The following LOXHD1 variants were observed in gnomAD, a reference collection of about 807,000 sequenced individuals.
The protein encoded by LOXHD1 is lipoxygenase homology domain-containing protein 1.
A neutral mutation model predicts 248.2 loss-of-function variants in LOXHD1; 205 were observed. The observed-to-expected ratio is 0.83, with a 90% CI of 0.74 to 0.93. The LOEUF is 0.93. Ranked by LOEUF, LOXHD1 falls within the 40% of genes least tolerant of loss-of-function variation. The probability of loss-of-function intolerance (pLI) is 0.00; values close to 1 mark genes in which losing one functional copy is unlikely to be tolerated. For missense variants in LOXHD1, 2,930 were observed against 2,971.6 expected (o/e 0.99, Z 0.33); for synonymous variants, 1,113 against 1,162.8 (o/e 0.96, Z 0.87).
Position 46,649,257 on chromosome 18 carries a change from ACCACTT to A in LOXHD1, c.137_142del (p.Glu46_Val47del). The A allele has an allele frequency of 6.4e-7, 1 of 1,551,746 alleles. No homozygotes were observed. On this transcript the variant is annotated inframe_deletion, in exon 2 of 41. Transcript: ENST00000642948. ...ACCGCGAACATCCCCCGTGGCTGTG[ACCACTT>A]CATACACTGGAGGAGGAGAGGAGGA... is the stretch of plus-strand genomic sequence containing the variant.
At chr18:46,631,742 C>G (rs750837664) in intron 4 of LOXHD1, among the ~76,000 whole-genome samples, 1 of 152,172 alleles carries the variant, frequency 6.6e-6, no homozygotes, top group Non-Finnish European at 1.5e-5. Context: ...GGGCAGGCCC[C>G]GGGGCTCCAG....
rs763256484 is a variant in LOXHD1, at chr18:46,545,342, T to A, written c.3594A>T (p.Thr1198=). Residue 1198 remains threonine, a synonymous_variant, in exon 23 of 41, where the codon ACA becomes ACT. Transcript: ENST00000642948. Reference sequence around the variant, plus strand: ...CAGTGTCATCCTGTGTGCCAAAGAGTGTGATGAAGACATTAGCATCTGTGC... The same window carrying A: ...CAGTGTCATCCTGTGTGCCAAAGAGAGTGATGAAGACATTAGCATCTGTGC... ...NAGTDANVFI[T]LFGTQDDTGM... 1 of 1,551,464 alleles carries A rather than the reference T, an allele frequency of 6.4e-7. No individual in the cohort carries two copies. The highest frequency in any genetic ancestry group is 1.2e-5 in the South Asian group (1 of 84,040).
At chr18:46,625,821 G>C (rs995536822) in intron 4 of LOXHD1, among the ~76,000 whole-genome samples, 1 of 152,042 alleles carries the variant, frequency 6.6e-6, no homozygotes, top group Non-Finnish European at 1.5e-5. Context: ...GCAGTCACTC[G>C]TCCTCCTTTG....
chr18:46,587,845 T>G (rs2038091164), intron 12 of LOXHD1, among the ~76,000 whole-genome samples: 1 of 152,164 alleles, frequency 6.6e-6, no homozygotes, highest in Non-Finnish European at 1.5e-5. Flanking sequence ...AATTGTGAGC[T>G]GGCATGTGTA....
chr18:46,535,907 C>T (rs1598942000), intron 26 of LOXHD1, among the ~76,000 whole-genome samples: 1 of 152,144 alleles, frequency 6.6e-6, no homozygotes, highest in East Asian at 1.9e-4. Flanking sequence ...AGCAATGTGG[C>T]CTTTAGGGGA....
intron 4 of LOXHD1, among the ~76,000 whole-genome samples, chr18:46,628,017 C>T (rs2038768429): frequency 6.6e-6 from 1 of 152,138 alleles, no homozygotes; most frequent in South Asian, 2.1e-4. Flanking sequence ...CGCAAAATGC[C>T]CATTGAATCA....
At chr18:46,591,581 G>C (rs2038168984) in intron 12 of LOXHD1, among the ~76,000 whole-genome samples, 1 of 152,134 alleles carries the variant, frequency 6.6e-6, no homozygotes, top group Non-Finnish European at 1.5e-5. Flanking sequence ...CTTTTCTTTT[G>C]GGGAACATTT....
Position 46,489,220 on chromosome 18 carries a change from C to T in LOXHD1, c.5879-78G>A, listed in dbSNP as rs182484820. The T allele has an allele frequency of 2.0e-3, 2,846 of 1,446,786 alleles. 13 individuals are homozygous for T. The highest frequency in any genetic ancestry group is 2.1e-3 in the Non-Finnish European group (2,222 of 1,054,352). The allele number at this position is 1,446,786 out of a possible 1,614,324, so 89.6% of individuals were successfully genotyped here. ...TTCAGACTTCTACATCCCCACAACC[C>T]ATTGGCTGTGTGGCCCTGGACAAGT... On this transcript the variant is annotated intron_variant, in intron 37 of 40. Transcript: ENST00000642948.
intron 37 of LOXHD1, among the ~76,000 whole-genome samples, chr18:46,493,065 T>C (rs1379074669): frequency 2.4e-4 from 37 of 152,226 alleles, no homozygotes; most frequent in Admixed American, 2.4e-3. Context: ...GATCTGGTCC[T>C]TTTCCACTCC....
At chr18:46,653,812 T>A (rs928268698) in intron 1 of LOXHD1, among the ~76,000 whole-genome samples, 1 of 152,242 alleles carries the variant, frequency 6.6e-6, no homozygotes, top group African/African-American at 2.4e-5. Flanking sequence ...TAGGAATAAA[T>A]TCTTCCTTGA....
At chr18:46,574,945 C>T (rs1269827638) in intron 14 of LOXHD1, among the ~76,000 whole-genome samples, 1 of 152,238 alleles carries the variant, frequency 6.6e-6, no homozygotes, top group Non-Finnish European at 1.5e-5. Flanking sequence ...TTTCCAGGCT[C>T]CTTCTCCTGG....
chr18:46,602,464 C>T (rs1254353592), intron 7 of LOXHD1, among the ~76,000 whole-genome samples: 2 of 152,088 alleles, frequency 1.3e-5, no homozygotes. Context: ...CCTCAGACTC[C>T]CAAAGTGCTG....
chr18:46,538,185 T>C lies in LOXHD1; in HGVS notation c.4066A>G (p.Arg1356Gly). The change falls in exon 26 of 41, where the codon AGG becomes GGG. Residue 1356 changes from arginine to glycine, a missense_variant. Arg to Gly is a moderately radical substitution (Grantham distance 125, BLOSUM62 -2). Transcript: ENST00000642948. ...NKREQKQFFE[R>G]KSASRFIVEL... ...ACGATGAAGCGGGAGGCAGACTTCC[T>C]CTCAAAGAACTGCTTCTGTTCCCTC... 1 of 1,533,208 alleles carries C rather than the reference T, an allele frequency of 6.5e-7. No individual in the cohort carries two copies. Among genetic ancestry groups the C allele is most frequent in the South Asian group, 1.2e-5 (1 of 83,750 alleles). 95.0% of individuals were successfully genotyped at this position (1,533,208 alleles called of 1,614,324 possible). A position where few individuals can be genotyped will look rare whatever the true frequency, so the allele number is the denominator to read the frequency against.
rs1331229102 is a variant in LOXHD1 at position 46,569,575 on chromosome 18, A to G, written c.2111T>C (p.Val704Ala). ...TTTATCCCCATAGAGCTTGATGTAG[A>G]CTCTAGAATCCGTGCTGGCCCCAGA... ...DVSGASTDSR[V>A]YIKLYGDKSD... The change falls in exon 16 of 41, where the codon GTC becomes GCC. Residue 704 changes from valine to alanine, a missense_variant. Val to Ala is a moderately conservative substitution (Grantham distance 64). Coordinates refer to ENST00000642948, the MANE Select transcript of LOXHD1 (RefSeq NM_001384474.1). 1.3e-6 allele frequency: 2 copies of G among 1,551,568 alleles called. No individual in the cohort carries two copies. The highest frequency in any genetic ancestry group is 1.7e-6 in the Non-Finnish European group (2 of 1,146,966).
At chr18:46,480,334 C>T (rs904280261) in intron 40 of LOXHD1, among the ~76,000 whole-genome samples, 1 of 152,148 alleles carries the variant, frequency 6.6e-6, no homozygotes, top group African/African-American at 2.4e-5. Context: ...TTTCACCCAA[C>T]CCTGCACAGA....
chr18:46,615,956 A>G (rs1438995202), intron 5 of LOXHD1, among the ~76,000 whole-genome samples: 1 of 152,162 alleles, frequency 6.6e-6, no homozygotes, highest in African/African-American at 2.4e-5. Flanking sequence ...ATTTGAACAA[A>G]GTTGTTTGCC....
At position 46,538,321 on chromosome 18, in the gene LOXHD1, G is replaced by T; in HGVS notation, c.3930C>A (p.Ile1310=). ...RLYTPFVPYE[I]TLYTSDVFAA... is the part of the protein sequence containing the mutation. ...CAAAGACATCACTGGTGTAGAGGGT[G>T]ATCTCGTAAGGAACAACTGAGGGTG... is the stretch of plus-strand genomic sequence containing the variant. The change falls in exon 26 of 41, where the codon ATC becomes ATA. Residue 1310 remains isoleucine (I), a synonymous_variant. Coordinates refer to ENST00000642948, the MANE Select transcript of LOXHD1 (RefSeq NM_001384474.1). 1 of 1,549,812 alleles carries T rather than the reference G, an allele frequency of 6.5e-7. No homozygotes were observed. Among genetic ancestry groups the T allele is most frequent in the African/African-American group, 1.4e-5 (1 of 73,156 alleles).
intron 4 of LOXHD1, among the ~76,000 whole-genome samples, chr18:46,625,756 G>C (rs1312992106): frequency 1.3e-5 from 2 of 152,136 alleles, no homozygotes; most frequent in African/African-American, 4.8e-5. Flanking sequence ...AGCTTATCCT[G>C]CTGGTTCCTT....
chr18:46,524,319 A>C, intron 31 of LOXHD1, 147 bp downstream of exon 31: 1 of 1,208,860 alleles, frequency 8.3e-7, no homozygotes, highest in Non-Finnish European at 1.1e-6. Flanking sequence ...GGGATAAAAC[A>C]GGTAATATGT....
Sources: gnomAD v4.1 joint callset for allele counts (sites outside exome capture counted in the v4.1 genomes callset) on GRCh38, gnomAD v4.1.1 for gene constraint, MANE v1.5 for transcripts, NCBI Gene and HGNC (gene_info 2026-07-23, HGNC 2026-07-21) for gene names.